Variants in RGS7 observed in about 807,000 individuals in gnomAD.
RGS7 encodes regulator of G protein signaling 7.
In RGS7, 27 loss-of-function variants were observed where a neutral mutation model predicts 81.1. That is an observed-to-expected ratio of 0.33 (90% confidence interval 0.25 to 0.46). RGS7 has a LOEUF of 0.46. Ranked by LOEUF, RGS7 falls within the 20% of genes least tolerant of loss-of-function variation. The pLI is 1.00. For missense variants in RGS7, 396 were observed against 607.4 expected (o/e 0.65, Z 3.66); for synonymous variants, 208 against 207.7 (o/e 1.00, Z -0.01).
At chr1:240,782,177 A>T (rs1446628679) in intron 18 of RGS7, among the ~76,000 whole-genome samples, 2 of 152,208 alleles carry the variant, frequency 1.3e-5, no homozygotes, top group East Asian at 3.9e-4. Flanking sequence ...CATAAGCCCT[A>T]CTCTAGTGCA....
intron 3 of RGS7, among the ~76,000 whole-genome samples, chr1:241,033,361 G>A (rs1452054207): frequency 6.6e-6 from 1 of 151,972 alleles, no homozygotes; most frequent in Non-Finnish European, 1.5e-5. Flanking sequence ...AAAAAAAGCT[G>A]GCTGGGGGAG....
intron 2 of RGS7, among the ~76,000 whole-genome samples, chr1:241,113,264 C>T (rs6658721): frequency 0.21 from 32,655 of 152,026 alleles, 4,948 homozygotes; most frequent in African/African-American, 0.43. Flanking sequence ...AAAGGTACCT[C>T]ACTTATTACT....
chr1:241,302,278 G>A (rs565559074), intron 2 of RGS7, among the ~76,000 whole-genome samples: 4 of 152,288 alleles, frequency 2.6e-5, no homozygotes, highest in South Asian at 2.1e-4. Flanking sequence ...GGCCGGGCGC[G>A]GTGGCTTACG....
chr1:241,134,851 G>A (rs148015767), intron 2 of RGS7, among the ~76,000 whole-genome samples: 1 of 152,128 alleles, frequency 6.6e-6, no homozygotes, highest in Non-Finnish European at 1.5e-5. Context: ...CAGTCCCAAG[G>A]CGCAAGGCCA....
In RGS7 at chr1:241,177,539, G is replaced by A. The variant is rs145120701; in HGVS notation, c.79-78777C>T. 8.5e-5 allele frequency among the ~76,000 whole-genome samples: 13 copies of A among 152,250 alleles called. No homozygotes were observed. In the South Asian group the frequency reaches 1.0e-3, roughly 12 times the overall value. On this transcript the variant is annotated intron_variant, in intron 2 of 18. Transcript: ENST00000440928. Reference sequence around the variant, plus strand: ...CCTTGAGGGTTATAAACAGTGATGCGACTAGTGATATTAATAGTATTAAAA... The same window carrying A: ...CCTTGAGGGTTATAAACAGTGATGCAACTAGTGATATTAATAGTATTAAAA...
chr1:241,205,319 A>T (rs573093926), intron 2 of RGS7, among the ~76,000 whole-genome samples: 1 of 150,210 alleles, frequency 6.7e-6, no homozygotes, highest in African/African-American at 2.5e-5. Context: ...TGACCTCATG[A>T]TCCACCCGCC....
chr1:240,931,936 C>T (rs1168057554), intron 5 of RGS7, among the ~76,000 whole-genome samples: 1 of 152,124 alleles, frequency 6.6e-6, no homozygotes, highest in East Asian at 1.9e-4. Flanking sequence ...ACCCCTAGTC[C>T]CTGGAATGAT....
intron 15 of RGS7, 51 bp from the exon 16 acceptor site, chr1:240,803,044 T>C: frequency 8.0e-7 from 1 of 1,250,032 alleles, no homozygotes; most frequent in Non-Finnish European, 1.2e-6. Context: ...TTGGGAAAAG[T>C]AAAATATCAT....
At chr1:240,952,988 A>G (rs1331405341) in intron 4 of RGS7, among the ~76,000 whole-genome samples, 2 of 151,974 alleles carry the variant, frequency 1.3e-5, no homozygotes, top group Non-Finnish European at 2.9e-5. Flanking sequence ...CAATTCTTCA[A>G]CAACAATAAA....
intron 2 of RGS7, among the ~76,000 whole-genome samples, chr1:241,149,023 A>G (rs956031897): frequency 5.3e-5 from 8 of 152,252 alleles, no homozygotes; most frequent in African/African-American, 1.7e-4. Context: ...ATGATCTTCA[A>G]TGTCCTATCT....
At chr1:240,831,857 G>A (rs560622934) in intron 9 of RGS7, among the ~76,000 whole-genome samples, 360 of 152,028 alleles carry the variant, frequency 2.4e-3, no homozygotes, top group Non-Finnish European at 4.2e-3. Flanking sequence ...GGCTGGTCTC[G>A]AACTCCTGAC....
chr1:240,985,148 G>C (rs1685465901), intron 3 of RGS7, among the ~76,000 whole-genome samples: 1 of 152,190 alleles, frequency 6.6e-6, no homozygotes. Context: ...CATTGAAAAA[G>C]AAAAGGAGAA....
chr1:241,143,584 A>G (rs192482014), intron 2 of RGS7, among the ~76,000 whole-genome samples: 68 of 152,320 alleles, frequency 4.5e-4, no homozygotes, highest in African/African-American at 1.6e-3. Flanking sequence ...CCATGATTCA[A>G]TCACTTCCCA....
chr1:241,199,323 T>C (rs1322478644), intron 2 of RGS7, among the ~76,000 whole-genome samples: 1 of 151,928 alleles, frequency 6.6e-6, no homozygotes, highest in Admixed American at 6.6e-5. Context: ...CTGGGTGTGG[T>C]GGCATGCCTA....
intron 2 of RGS7, among the ~76,000 whole-genome samples, chr1:241,159,676 G>A (rs886815873): frequency 6.6e-6 from 1 of 152,036 alleles, no homozygotes; most frequent in Admixed American, 6.6e-5. Flanking sequence ...ATAGAAGAAA[G>A]ACATCAAAGT....
intron 18 of RGS7, among the ~76,000 whole-genome samples, chr1:240,792,352 T>C (rs972493938): frequency 2.0e-5 from 3 of 152,226 alleles, no homozygotes; most frequent in African/African-American, 7.2e-5. Flanking sequence ...CTGCTGATGC[T>C]GCAAACACAT....
intron 4 of RGS7, among the ~76,000 whole-genome samples, chr1:240,956,484 C>T (rs1005784355): frequency 3.3e-5 from 5 of 151,998 alleles, no homozygotes; most frequent in South Asian, 2.1e-4. Flanking sequence ...AAATAATTTA[C>T]GTAGATACTT....
intron 2 of RGS7, among the ~76,000 whole-genome samples, chr1:241,174,890 A>ATTTTG (rs1558155451): frequency 7.6e-6 from 1 of 132,128 alleles, no homozygotes; most frequent in Non-Finnish European, 1.6e-5. Context: ...AATTCACAGA[A>ATTTTG]TTTTGTTTTT....
chr1:241,125,966 T>C (rs1290898285), intron 2 of RGS7, among the ~76,000 whole-genome samples: 1 of 152,120 alleles, frequency 6.6e-6, no homozygotes, highest in Non-Finnish European at 1.5e-5. Context: ...GGAAGTTAAG[T>C]GACTCCCAAG....
Sources: gnomAD v4.1 joint callset for allele counts (sites outside exome capture counted in the v4.1 genomes callset) on GRCh38, gnomAD v4.1.1 for gene constraint, MANE v1.5 for transcripts, NCBI Gene and HGNC (gene_info 2026-07-23, HGNC 2026-07-21) for gene names.